SUSD1: variants seen among roughly 807,000 people sequenced by gnomAD.
SUSD1 encodes the protein sushi domain containing 1, also known as sushi domain-containing protein 1.
A neutral mutation model predicts 86.9 loss-of-function variants in SUSD1; 65 were observed. The ratio of observed to expected loss-of-function variants is 0.75; its 90% CI spans 0.61 to 0.92. The LOEUF is 0.92. Ranked by LOEUF, SUSD1 falls within the 40% of genes least tolerant of loss-of-function variation. SUSD1 has a pLI of 0.00. For missense variants in SUSD1, 850 were observed against 929.7 expected (o/e 0.91, Z 1.11); for synonymous variants, 346 against 350.0 (o/e 0.99, Z 0.13).
chr9:112,168,199 A>G (rs1215562846), intron 1 of SUSD1, among the ~76,000 whole-genome samples: 2 of 152,226 alleles, frequency 1.3e-5, no homozygotes, highest in African/African-American at 4.8e-5. Context: ...TTAATGAATA[A>G]AAGAAGGTAC....
chr9:112,101,790 G>A (rs1444376018), intron 9 of SUSD1, among the ~76,000 whole-genome samples: 2 of 152,172 alleles, frequency 1.3e-5, no homozygotes, highest in Non-Finnish European at 2.9e-5. Flanking sequence ...AGATTGCAGT[G>A]AGCCGAGATC....
rs112602895 is a variant in SUSD1 at position 112,156,460 on chromosome 9, C to CA, written c.217+1039dup. On this transcript the variant is annotated intron_variant, in intron 2 of 16. Coordinates refer to ENST00000374270, the MANE Select transcript of SUSD1 (RefSeq NM_022486.5). ...CTGGGCGACGAGTGAGACTCCATCT[C>CA]AAAAAAAAAAAAAAATACTCACTGA... Among the ~76,000 whole-genome samples the CA allele has an allele frequency of 4.4e-3, 575 of 130,656 alleles. 1 individual carries two copies. Among genetic ancestry groups the CA allele is most frequent in the South Asian group, 0.015 (62 of 4,130 alleles). The allele number at this position is 130,656 out of a possible 152,430, so 85.7% of individuals were successfully genotyped here.
At chr9:112,149,172 T>A in intron 3 of SUSD1, 72 bp downstream of exon 3, 1 of 1,563,164 alleles carries the variant, frequency 6.4e-7, no homozygotes, top group African/African-American at 1.4e-5. Context: ...TTCCCTAATA[T>A]TAACAAATAC....
At chr9:112,131,936 T>C (rs1474955262) in intron 5 of SUSD1, among the ~76,000 whole-genome samples, 2 of 152,072 alleles carry the variant, frequency 1.3e-5, no homozygotes, top group Non-Finnish European at 2.9e-5. Context: ...CCTGAGGGAG[T>C]GGAGGAGAAT....
chr9:112,153,478 C>G, intron 2 of SUSD1, among the ~76,000 whole-genome samples: 1 of 152,164 alleles, frequency 6.6e-6, no homozygotes, highest in East Asian at 1.9e-4. Flanking sequence ...AAAGACCTGC[C>G]TGAGGCTGTT....
Position 112,099,015 on chromosome 9 carries a change from T to TTCTCTCTCTC in SUSD1, c.1282-363_1282-354dup, listed in dbSNP as rs58040511. 1.3e-3 allele frequency among the ~76,000 whole-genome samples: 194 copies of TTCTCTCTCTC among 145,984 alleles called. 2 individuals are homozygous for TTCTCTCTCTC. The East Asian group carries it at 0.015, about 11-fold the overall frequency. On this transcript the variant is annotated intron_variant, in intron 9 of 16. Transcript: ENST00000374270. ...TCCTCCTTCCCTTCTGAATACTTCG[T>TTCTCTCTCTC]TCTCTCTCTCTCTCTCTCTCTCTCT...
intron 5 of SUSD1, among the ~76,000 whole-genome samples, chr9:112,127,904 GA>G (rs1178977867): frequency 6.6e-6 from 1 of 151,708 alleles, no homozygotes; most frequent in Non-Finnish European, 1.5e-5. Flanking sequence ...CTGGGCTCAA[GA>G]AATCCTTCCA....
At chr9:112,057,451 G>C (rs1467182207) in intron 14 of SUSD1, among the ~76,000 whole-genome samples, 2 of 152,162 alleles carry the variant, frequency 1.3e-5, no homozygotes, top group Non-Finnish European at 2.9e-5. Flanking sequence ...GAAACCCCAA[G>C]TAATTTTCTA....
Position 112,143,574 on chromosome 9 carries a change from G to A in SUSD1, c.423C>T (p.Cys141=), listed in dbSNP as rs369111294. 16 of 1,613,682 alleles carry A rather than the reference G, an allele frequency of 9.9e-6. No individual in the cohort carries two copies. The African/African-American group carries it at 1.1e-4, about 11-fold the overall frequency. ...VSGLCRHGGR[C]VNTHGSFECY... is the part of the protein sequence containing the mutation. ...ATTCAAAGCTCCCATGAGTGTTCAC[G>A]CATCGCCCTCCATGCCTGCACAGGC... is the stretch of plus-strand genomic sequence containing the variant. The change falls in exon 4 of 17, where the codon TGC becomes TGT. Residue 141 remains cysteine (C), a synonymous_variant. Transcript: ENST00000374270.
At chr9:112,073,779 G>A (rs1240720821) in intron 12 of SUSD1, among the ~76,000 whole-genome samples, 5 of 152,096 alleles carry the variant, frequency 3.3e-5, no homozygotes, top group African/African-American at 4.8e-5. Flanking sequence ...TGTAATTCCC[G>A]CTACTTGGGA....
intron 6 of SUSD1, among the ~76,000 whole-genome samples, chr9:112,119,697 C>G (rs867772226): frequency 6.6e-6 from 1 of 152,228 alleles, no homozygotes; most frequent in East Asian, 1.9e-4. Flanking sequence ...GACTCATTAA[C>G]ATCAAGCTTC....
intron 1 of SUSD1, among the ~76,000 whole-genome samples, chr9:112,165,914 GAAGA>G (rs1210982268): frequency 2.7e-5 from 2 of 73,144 alleles, no homozygotes; most frequent in African/African-American, 1.3e-4. Flanking sequence ...AGGAAGGAAG[GAAGA>G]AAGAAAAGAA....
At chr9:112,086,306 CA>C (rs34768628) in intron 10 of SUSD1, among the ~76,000 whole-genome samples, 1,825 of 89,700 alleles carry the variant, frequency 0.02, 19 homozygotes, top group African/African-American at 0.046. Flanking sequence ...GACCTTGCCT[CA>C]AAAAAAAAAA....
chr9:112,133,730 C>T (rs967976505), intron 5 of SUSD1, among the ~76,000 whole-genome samples: 2 of 152,248 alleles, frequency 1.3e-5, no homozygotes, highest in South Asian at 4.1e-4. Context: ...CCTAATTAAA[C>T]TAAGGAGCCT....
intron 9 of SUSD1, among the ~76,000 whole-genome samples, chr9:112,100,971 A>G (rs1298200628): frequency 6.6e-6 from 1 of 151,898 alleles, no homozygotes; most frequent in Admixed American, 6.6e-5. Flanking sequence ...TCATTATACC[A>G]TATTGTAGTT....
chr9:112,080,111 C>T lies in SUSD1; in HGVS notation c.1529G>A (p.Arg510Lys). The T allele has an allele frequency of 6.2e-7, 1 of 1,613,620 alleles. No individual in the cohort carries two copies. Among genetic ancestry groups the T allele is most frequent in the Non-Finnish European group, 8.5e-7 (1 of 1,179,642 alleles). ...CTCCATATCAGCTGTCTTGATGCTT[C>T]TCCATCTCAAGCAGGTTTCATTAAA... Reference protein sequence around the residue: ...SGFNETCLRWRSIKTADMEEM... With the variant: ...SGFNETCLRWKSIKTADMEEM... Residue 510 changes from arginine (R) to lysine (K), a missense_variant, in exon 11 of 17, where the codon AGA (arginine) becomes AAA (lysine). Transcript: ENST00000374270.
At chr9:112,138,438 G>A (rs67118370) in intron 5 of SUSD1, among the ~76,000 whole-genome samples, 42,672 of 147,388 alleles carry the variant, frequency 0.29, 7,740 homozygotes, top group African/African-American at 0.51. Context: ...CATACTATTA[G>A]TACTTATCTA....
rs192471488 is a variant in SUSD1, at chr9:112,054,958, G to A, written c.2110-2520C>T. Among the ~76,000 whole-genome samples, 14 of 152,294 alleles carry A rather than the reference G, an allele frequency of 9.2e-5. 1 individual carries two copies. The East Asian group carries it at 2.3e-3, about 25-fold the overall frequency. Reference sequence around the variant, plus strand: ...TCACAAGGGATTACAGTAATATCCAGAATGTATGGAGAACTCTTAAAATTT... The same window carrying A: ...TCACAAGGGATTACAGTAATATCCAAAATGTATGGAGAACTCTTAAAATTT... On this transcript the variant is annotated intron_variant, in intron 14 of 16. Transcript: ENST00000374270.
At chr9:112,060,614 T>A (rs969174275) in intron 13 of SUSD1, among the ~76,000 whole-genome samples, 1 of 152,200 alleles carries the variant, frequency 6.6e-6, no homozygotes, top group East Asian at 1.9e-4. Flanking sequence ...CTGATTTTCA[T>A]AAAGTCTTGG....
Sources: allele counts gnomAD v4.1 joint callset (sites outside exome capture counted in the v4.1 genomes callset), GRCh38; gene constraint gnomAD v4.1.1; transcripts MANE v1.5; gene names NCBI Gene and HGNC (gene_info 2026-07-23, HGNC 2026-07-21).